Variants in HSD11B1 observed in about 807,000 individuals in gnomAD.
HSD11B1 encodes the protein hydroxysteroid 11-beta dehydrogenase 1, also known as 11-beta-hydroxysteroid dehydrogenase 1.
HSD11B1 carries 15 observed loss-of-function variants against 22.1 expected under a neutral mutation model. The observed-to-expected ratio is 0.68, with a 90% CI of 0.45 to 1.04. The LOEUF is 1.04. HSD11B1 is among the 50% of genes least tolerant of loss of function. The probability of loss-of-function intolerance (pLI) is 0.00; values close to 1 mark genes in which losing one functional copy is unlikely to be tolerated. For synonymous variants in HSD11B1, 122 were observed against 125.2 expected (o/e 0.97, Z 0.17); for missense variants, 281 against 357.6 (o/e 0.79, Z 1.73).
intron 1 of HSD11B1, among the ~76,000 whole-genome samples, chr1:209,690,417 C>T (rs1338178444): frequency 6.6e-6 from 1 of 152,046 alleles, no homozygotes; most frequent in East Asian, 1.9e-4. Context: ...AAATGAAGGG[C>T]CAGGAGCGGT....
At position 209,732,526 on chromosome 1, in the gene HSD11B1, T is replaced by G. The variant is rs749071532; in HGVS notation, c.608T>G (p.Val203Gly). The G allele has an allele frequency of 6.2e-7, 1 of 1,613,958 alleles. No individual in the cohort carries two copies. The highest frequency in any genetic ancestry group is 1.7e-5 in the Admixed American group (1 of 60,012). Residue 203 changes from valine to glycine, a missense_variant, in exon 5 of 6, where the codon GTG becomes GGG. Transcript: ENST00000367027. Reference protein sequence around the residue: ...FFSSIRKEYSVSRVNVSITLC... With the variant: ...FFSSIRKEYSGSRVNVSITLC... ...TCCTCCATCAGAAAGGAATATTCAGTGTCCAGGGTCAATGTATCAATCACT... is the reference window on the plus strand; with the variant it reads ...TCCTCCATCAGAAAGGAATATTCAGGGTCCAGGGTCAATGTATCAATCACT...
At chr1:209,726,599 A>AC (rs1024804530) in intron 4 of HSD11B1, among the ~76,000 whole-genome samples, 1 of 148,428 alleles carries the variant, frequency 6.7e-6, no homozygotes, top group African/African-American at 2.6e-5. Flanking sequence ...AACAACAACA[A>AC]AAAAAAAACT....
chr1:209,731,615 A>G (rs1404554923), intron 4 of HSD11B1, among the ~76,000 whole-genome samples: 2 of 152,246 alleles, frequency 1.3e-5, no homozygotes, highest in Non-Finnish European at 2.9e-5. Flanking sequence ...CCTATTAGGC[A>G]TATGTCCACA....
rs3059693 is a variant in HSD11B1, at chr1:209,721,469, C to CAAAAAA, written c.518-10954_518-10949dup. On this transcript the variant is annotated intron_variant, in intron 4 of 5. Transcript: ENST00000367027. ...TTTAAGTTTGAAATTATTTCAAAAGCAAAAAAAAAAAAAAAAAATCCCCAT... is the reference window on the plus strand; with the variant it reads ...TTTAAGTTTGAAATTATTTCAAAAGCAAAAAAAAAAAAAAAAAAAAAAAATCCCCAT... Among the ~76,000 whole-genome samples, 115 of 101,800 alleles carry CAAAAAA rather than the reference C, an allele frequency of 1.1e-3. 1 individual carries two copies. The highest frequency in any genetic ancestry group is 3.8e-3 in the African/African-American group (114 of 30,394). The allele number at this position is 101,800 out of a possible 152,430, so 66.8% of individuals were successfully genotyped here.
chr1:209,717,255 C>G (rs2076935921), intron 4 of HSD11B1, among the ~76,000 whole-genome samples: 1 of 152,010 alleles, frequency 6.6e-6, no homozygotes, highest in African/African-American at 2.4e-5. Flanking sequence ...GAACAGACAT[C>G]TCTCAAAAAA....
intron 4 of HSD11B1, among the ~76,000 whole-genome samples, chr1:209,712,953 G>A (rs1288983358): frequency 6.6e-6 from 1 of 152,148 alleles, no homozygotes; most frequent in Non-Finnish European, 1.5e-5. Context: ...GGAGGCTGAG[G>A]CAGGAGAATC....
At chr1:209,725,006 C>T (rs746842462) in intron 4 of HSD11B1, among the ~76,000 whole-genome samples, 1 of 152,150 alleles carries the variant, frequency 6.6e-6, no homozygotes, top group Non-Finnish European at 1.5e-5. Flanking sequence ...TAAGGATTTT[C>T]TTTTCATAAT....
chr1:209,707,980 T>G (rs2076871306), intron 4 of HSD11B1, among the ~76,000 whole-genome samples: 1 of 151,682 alleles, frequency 6.6e-6, no homozygotes, highest in Admixed American at 6.6e-5. Flanking sequence ...CTCTAAAATT[T>G]GAACATGTTA....
At chr1:209,692,614 G>GGT (rs1553286734) in intron 1 of HSD11B1, among the ~76,000 whole-genome samples, 4 of 114,058 alleles carry the variant, frequency 3.5e-5, no homozygotes, top group Non-Finnish European at 7.5e-5. Flanking sequence ...TGGCGGGGGG[G>GGT]GGGGTGGGGG....
At chr1:209,726,570 A>C (rs1571885769) in intron 4 of HSD11B1, among the ~76,000 whole-genome samples, 1 of 152,332 alleles carries the variant, frequency 6.6e-6, no homozygotes, top group East Asian at 1.9e-4. Context: ...CGTGGGTGAC[A>C]GAGTGAGACC....
chr1:209,716,430 A>C (rs1451934573), intron 4 of HSD11B1, among the ~76,000 whole-genome samples: 12 of 152,096 alleles, frequency 7.9e-5, no homozygotes, highest in Admixed American at 7.9e-4. Flanking sequence ...GGAAAAGGAC[A>C]CAAACAAATG....
At chr1:209,716,598 T>C (rs1419158085) in intron 4 of HSD11B1, among the ~76,000 whole-genome samples, 3 of 150,780 alleles carry the variant, frequency 2.0e-5, no homozygotes, top group Non-Finnish European at 4.4e-5. Flanking sequence ...AGGGACGAAA[T>C]AGCCAAAGCA....
At chr1:209,701,609 T>C (rs1372554432), upstream of HSD11B1, among the ~76,000 whole-genome samples, 3 of 152,234 alleles carry the variant, frequency 2.0e-5, no homozygotes, top group Non-Finnish European at 2.9e-5. Flanking sequence ...ACCTACTTTT[T>C]ACTCTGAGGT....
intron 4 of HSD11B1, among the ~76,000 whole-genome samples, chr1:209,723,442 T>C (rs2076980679): frequency 6.6e-6 from 1 of 152,156 alleles, no homozygotes; most frequent in South Asian, 2.1e-4. Flanking sequence ...AGTTGATTCT[T>C]TCCTCCCCCT....
At chr1:209,693,056 T>C (rs1309505945) in intron 1 of HSD11B1, among the ~76,000 whole-genome samples, 1 of 152,208 alleles carries the variant, frequency 6.6e-6, no homozygotes, top group Non-Finnish European at 1.5e-5. Flanking sequence ...AGAAATTAAG[T>C]AGCCATCCGA....
intron 1 of HSD11B1, 116 bp from the exon 2 acceptor site, chr1:209,705,695 C>A: frequency 7.8e-7 from 1 of 1,278,364 alleles, no homozygotes; most frequent in Non-Finnish European, 1.1e-6. Context: ...ACAAACTGAT[C>A]TGGGCTCATA....
chr1:209,717,796 C>T (rs1191494720), intron 4 of HSD11B1, among the ~76,000 whole-genome samples: 1 of 144,862 alleles, frequency 6.9e-6, no homozygotes, highest in African/African-American at 2.6e-5. Context: ...CACTTGAACC[C>T]AGGAGGCAGA....
In HSD11B1 at chr1:209,704,915, A is replaced by G. The variant is rs915225140; in HGVS notation, c.-28A>G. The G allele has an allele frequency of 2.5e-6, 4 of 1,568,748 alleles. No individual in the cohort carries two copies. Among genetic ancestry groups the G allele is most frequent in the African/African-American group, 1.4e-5 (1 of 73,996 alleles). On this transcript the variant is annotated 5_prime_UTR_variant, in exon 1 of 6. Coordinates refer to ENST00000367027, the MANE Select transcript of HSD11B1 (RefSeq NM_005525.4). ...TGTAGGTTCTCTCTGTGTGTCCTAC[A>G]GGAGTCTTCAGGCCAGCTCCCTGTC... is the stretch of plus-strand genomic sequence containing the variant.
At chr1:209,694,326 C>T (rs1248572258) in intron 1 of HSD11B1, among the ~76,000 whole-genome samples, 2 of 152,158 alleles carry the variant, frequency 1.3e-5, no homozygotes, top group Admixed American at 6.5e-5. Flanking sequence ...GATGCAGGGG[C>T]AAGCAAGGTG....
Sources: allele counts gnomAD v4.1 joint callset (sites outside exome capture counted in the v4.1 genomes callset), GRCh38; gene constraint gnomAD v4.1.1; transcripts MANE v1.5; gene names NCBI Gene and HGNC (gene_info 2026-07-23, HGNC 2026-07-21).